The following SETX variants were observed in gnomAD, a reference collection of about 807,000 sequenced individuals.
SETX encodes the protein senataxin, also known as helicase senataxin.
A neutral mutation model predicts 227.2 loss-of-function variants in SETX; 90 were observed. That is an observed-to-expected ratio of 0.40 (90% CI 0.33 to 0.47). The LOEUF is 0.47. Ranked by LOEUF, SETX falls within the 20% of genes least tolerant of loss-of-function variation. The pLI is 0.91. For missense variants in SETX, 3,052 were observed against 3,181.5 expected (o/e 0.96, Z 0.98); for synonymous variants, 1,210 against 1,113.2 (o/e 1.09, Z -1.73).
intron 2 of SETX, among the ~76,000 whole-genome samples, chr9:132,351,764 G>A (rs967997120): frequency 6.6e-6 from 1 of 152,138 alleles, no homozygotes; most frequent in South Asian, 2.1e-4. Flanking sequence ...ATCCTCTTAA[G>A]CTTTTATACA....
At chr9:132,286,244 T>C (rs1297332522) in intron 18 of SETX, among the ~76,000 whole-genome samples, 179 bp downstream of exon 18, 1 of 148,672 alleles carries the variant, frequency 6.7e-6, no homozygotes, top group African/African-American at 2.5e-5. Flanking sequence ...CCCAGCCACA[T>C]GGGAGACTGA....
intron 7 of SETX, among the ~76,000 whole-genome samples, chr9:132,334,110 T>C (rs1014590324): frequency 6.6e-6 from 1 of 152,168 alleles, no homozygotes; most frequent in Non-Finnish European, 1.5e-5. Flanking sequence ...AAAAAGTAGA[T>C]TAACTTCCCT....
chr9:132,327,902 G>A lies in SETX; in HGVS notation c.3696C>T (p.Pro1232=). ...TCTTAGAAACTGGAACTTTCCTGAT[G>A]GGTTCTGTACAAGTACAAAGCTTTG... ...KSSKLCTCTE[P]IRKVPVSKTP... Residue 1232 remains proline, a synonymous_variant, in exon 10 of 26, where the codon CCC becomes CCT. Coordinates refer to ENST00000224140, the MANE Select transcript of SETX (RefSeq NM_015046.7). The A allele has an allele frequency of 1.2e-6, 2 of 1,614,186 alleles. No individual in the cohort carries two copies. The highest frequency in any genetic ancestry group is 1.7e-6 in the Non-Finnish European group (2 of 1,180,030).
upstream of SETX, among the ~76,000 whole-genome samples, chr9:132,355,327 C>T (rs1475691422): frequency 6.6e-6 from 1 of 151,916 alleles, no homozygotes; most frequent in Non-Finnish European, 1.5e-5. Flanking sequence ...ACCCGCTGGC[C>T]ATTTCCGTTC....
chr9:132,332,531 T>C (rs1847305730), intron 7 of SETX, among the ~76,000 whole-genome samples: 1 of 152,208 alleles, frequency 6.6e-6, no homozygotes, highest in South Asian at 2.1e-4. Context: ...TATCCTCCAC[T>C]GCATCTGAAA....
chr9:132,335,121 T>G (rs936601828), intron 6 of SETX, among the ~76,000 whole-genome samples: 4 of 151,940 alleles, frequency 2.6e-5, no homozygotes, highest in Non-Finnish European at 4.4e-5. Context: ...CCGGGCGTGG[T>G]GGCTCACACC....
chr9:132,321,233 T>A (rs1846307069), intron 10 of SETX, among the ~76,000 whole-genome samples: 2 of 152,086 alleles, frequency 1.3e-5, no homozygotes, highest in South Asian at 4.2e-4. Flanking sequence ...CTAAAGACAT[T>A]GGGAGGCCGG....
chr9:132,276,068 G>A (rs758192259), intron 22 of SETX, among the ~76,000 whole-genome samples: 4 of 152,070 alleles, frequency 2.6e-5, no homozygotes, highest in African/African-American at 4.8e-5. Context: ...TGACCATACC[G>A]GACCCAAAAT....
chr9:132,291,054 T>C (rs1372108512), intron 15 of SETX, among the ~76,000 whole-genome samples: 2 of 151,896 alleles, frequency 1.3e-5, no homozygotes, highest in African/African-American at 4.8e-5. Flanking sequence ...AATGATTATA[T>C]GAAAAATGAA....
chr9:132,342,587 T>C (rs930645978), intron 5 of SETX, 103 bp downstream of exon 5: 1 of 932,292 alleles, frequency 1.1e-6, no homozygotes, highest in Non-Finnish European at 1.8e-6. Flanking sequence ...AGAAAAATTT[T>C]AGCAAACATT....
intron 3 of SETX, among the ~76,000 whole-genome samples, chr9:132,347,253 AAAC>A (rs1848342923): frequency 6.6e-6 from 1 of 152,010 alleles, no homozygotes; most frequent in African/African-American, 2.4e-5. Flanking sequence ...ACTCCATCTC[AAAC>A]AAAAAACCAA....
At position 132,262,406 on chromosome 9, in the gene SETX, CAAG is replaced by C. The variant is rs1842445288; in HGVS notation, c.*1830_*1832del. The C allele has an allele frequency of 6.6e-6, 1 of 152,168 alleles. No homozygotes were observed. Among genetic ancestry groups the C allele is most frequent in the African/African-American group, 2.4e-5 (1 of 41,430 alleles). 9.4% of individuals were successfully genotyped at this position (152,168 alleles called of 1,614,324 possible). ...GTGTCTGCTAAAATGGGCACTTCATCAAGATAACAGGAAAGCAAACTTAAAGTA... is the reference window on the plus strand; with the variant it reads ...GTGTCTGCTAAAATGGGCACTTCATCATAACAGGAAAGCAAACTTAAAGTA... On this transcript the variant is annotated 3_prime_UTR_variant, in exon 26 of 26. Coordinates refer to ENST00000224140, the MANE Select transcript of SETX (RefSeq NM_015046.7).
chr9:132,348,685 G>A (rs1848445465), intron 3 of SETX, among the ~76,000 whole-genome samples: 1 of 152,016 alleles, frequency 6.6e-6, no homozygotes, highest in African/African-American at 2.4e-5. Flanking sequence ...TCCAACACTG[G>A]GGGGCCAAAC....
intron 10 of SETX, among the ~76,000 whole-genome samples, chr9:132,321,574 A>G (rs930053760): frequency 9.5e-5 from 14 of 146,700 alleles, no homozygotes; most frequent in Non-Finnish European, 2.1e-4. Flanking sequence ...GGAGAATGGC[A>G]TGAACCCAGG....
chr9:132,268,734 C>T (rs899249259), intron 25 of SETX, among the ~76,000 whole-genome samples: 4 of 152,088 alleles, frequency 2.6e-5, no homozygotes, highest in African/African-American at 9.7e-5. Context: ...ATTGATAATA[C>T]ATCAGAAGCA....
chr9:132,327,051 T>C lies in SETX; in HGVS notation c.4547A>G (p.Asn1516Ser), dbSNP rs1846840786. The C allele has an allele frequency of 1.9e-6, 3 of 1,614,208 alleles. No homozygotes were observed. Among genetic ancestry groups the C allele is most frequent in the East Asian group, 2.2e-5 (1 of 44,884 alleles). ...ATGAATTAGTTCAATGAGTTTATAA[T>C]TGTCATTCTCCATTTGTGAACATAA... ...MDLCSQMEND[N>S]YKLIELIHGK... is the part of the protein sequence containing the mutation. The change falls in exon 10 of 26, where the codon AAT (asparagine) becomes AGT (serine). Residue 1516 changes from asparagine (N) to serine (S), a missense_variant. Transcript: ENST00000224140.
chr9:132,314,699 A>C (rs975796943), intron 10 of SETX, among the ~76,000 whole-genome samples: 1 of 152,134 alleles, frequency 6.6e-6, no homozygotes, highest in African/African-American at 2.4e-5. Flanking sequence ...GTAACTAAGA[A>C]TAGATTATTC....
intron 10 of SETX, among the ~76,000 whole-genome samples, chr9:132,322,673 C>T (rs773921480): frequency 6.6e-6 from 1 of 152,166 alleles, no homozygotes. Context: ...ATGTTCCAAT[C>T]TACTCTTTAG....
intron 5 of SETX, among the ~76,000 whole-genome samples, chr9:132,338,835 G>A (rs1347140064): frequency 6.6e-6 from 1 of 152,102 alleles, no homozygotes; most frequent in Non-Finnish European, 1.5e-5. Context: ...AGGGTTCACT[G>A]CAGCCTCAAC....
Sources: gnomAD v4.1 joint callset for allele counts (sites outside exome capture counted in the v4.1 genomes callset) on GRCh38, gnomAD v4.1.1 for gene constraint, MANE v1.5 for transcripts, NCBI Gene and HGNC (gene_info 2026-07-23, HGNC 2026-07-21) for gene names.